Variants in CSMD3 observed in about 807,000 individuals in gnomAD.
The protein encoded by CSMD3 is CUB and Sushi multiple domains 3.
A neutral mutation model predicts 435.2 loss-of-function variants in CSMD3; 177 were observed. That is an observed-to-expected ratio of 0.41 (90% confidence interval 0.36 to 0.46). The LOEUF (loss-of-function observed/expected upper bound fraction) is 0.46. Among genes scored for constraint, CSMD3 ranks in the 20% least tolerant of loss-of-function variants. CSMD3 has a pLI of 0.34. For missense variants in CSMD3, 4,265 were observed against 4,504.6 expected (o/e 0.95, Z 1.52); for synonymous variants, 1,656 against 1,520.5 (o/e 1.09, Z -2.07).
intron 27 of CSMD3, among the ~76,000 whole-genome samples, chr8:112,520,334 TGG>T (rs1226122042): frequency 6.6e-6 from 1 of 152,062 alleles, no homozygotes; most frequent in African/African-American, 2.4e-5. Context: ...CATTTTTAAA[TGG>T]GTAAAATGAG....
At chr8:112,451,641 C>T (rs773628511) in intron 32 of CSMD3, among the ~76,000 whole-genome samples, 5 of 151,852 alleles carry the variant, frequency 3.3e-5, no homozygotes, top group African/African-American at 4.8e-5. Flanking sequence ...CGGGTTCAAG[C>T]GATTGTCCTG....
chr8:113,330,368 CA>C lies in CSMD3; in HGVS notation c.179-15576del, dbSNP rs145292010. 3.1e-3 allele frequency among the ~76,000 whole-genome samples: 472 copies of C among 150,916 alleles called. 2 individuals carry two copies. The highest frequency in any genetic ancestry group is 9.5e-3 in the African/African-American group (392 of 41,204). ...AAATTGTACACTAGAAAGTATTTAA[CA>C]AAAAAAATGAGGCAGTAATGAAAGG... is the stretch of plus-strand genomic sequence containing the variant. On this transcript the variant is annotated intron_variant, in intron 1 of 70. Transcript: ENST00000297405.
rs1832783477 is a variant in CSMD3 at position 112,606,254 on chromosome 8, A to G, written c.3716-19019T>C. On this transcript the variant is annotated intron_variant, in intron 22 of 70. Coordinates refer to ENST00000297405, the MANE Select transcript of CSMD3 (RefSeq NM_198123.2). ...ACAGCCCATGATTTCTCCTACATGG[A>G]AAGTAAAGGCATAGTGACTGAGTGC... is the stretch of plus-strand genomic sequence containing the variant. Among the ~76,000 whole-genome samples the G allele has an allele frequency of 2.6e-5, 4 of 152,170 alleles. No individual in the cohort carries two copies. In the South Asian group the frequency reaches 8.3e-4, roughly 32 times the overall value.
At chr8:112,989,604 G>T (rs1471398664) in intron 6 of CSMD3, among the ~76,000 whole-genome samples, 1 of 151,912 alleles carries the variant, frequency 6.6e-6, no homozygotes, top group Non-Finnish European at 1.5e-5. Flanking sequence ...ATTAAATATG[G>T]TCACATATTC....
chr8:112,258,112 C>T (rs1405606406), intron 61 of CSMD3, among the ~76,000 whole-genome samples: 3 of 152,146 alleles, frequency 2.0e-5, no homozygotes, highest in African/African-American at 2.4e-5. Context: ...CTTCCTTATA[C>T]CTTATACAAA....
chr8:112,940,544 T>C (rs2083421164), intron 9 of CSMD3, among the ~76,000 whole-genome samples: 1 of 151,800 alleles, frequency 6.6e-6, no homozygotes, highest in African/African-American at 2.4e-5. Context: ...TTTTTCAGCA[T>C]AGAAAATGCT....
chr8:113,417,219 A>G (rs997036179), intron 1 of CSMD3, among the ~76,000 whole-genome samples: 1 of 152,036 alleles, frequency 6.6e-6, no homozygotes, highest in Non-Finnish European at 1.5e-5. Flanking sequence ...ATATAAAAAC[A>G]TCCTTACATA....
intron 59 of CSMD3, among the ~76,000 whole-genome samples, chr8:112,279,523 C>G (rs563254013): frequency 6.6e-6 from 1 of 152,106 alleles, no homozygotes; most frequent in African/African-American, 2.4e-5. Context: ...AATGGAGCCC[C>G]TTGGACCTGT....
At chr8:112,486,762 T>C (rs1407971563) in intron 31 of CSMD3, among the ~76,000 whole-genome samples, 1 of 152,138 alleles carries the variant, frequency 6.6e-6, no homozygotes, top group East Asian at 1.9e-4. Flanking sequence ...ATCAGATGTA[T>C]ATCCATGCTG....
intron 10 of CSMD3, among the ~76,000 whole-genome samples, chr8:112,887,291 C>A (rs1355818320): frequency 6.8e-6 from 1 of 147,056 alleles, no homozygotes; most frequent in East Asian, 2.0e-4. Context: ...AGGACAGCTA[C>A]AAAACAAAGT....
At chr8:112,777,069 G>T (rs1283997500) in intron 13 of CSMD3, among the ~76,000 whole-genome samples, 2 of 151,568 alleles carry the variant, frequency 1.3e-5, no homozygotes, top group Non-Finnish European at 3.0e-5. Context: ...TTTCTGGAGG[G>T]TTATGCATCA....
intron 20 of CSMD3, chr8:112,643,452 CTT>C (rs1249528979): frequency 5.9e-6 from 1 of 170,166 alleles, no homozygotes; most frequent in African/African-American, 2.4e-5. Context: ...TTCAGACAAA[CTT>C]AGTTGGCTCT....
chr8:112,601,901 G>A (rs1832381376), intron 22 of CSMD3, among the ~76,000 whole-genome samples: 1 of 152,092 alleles, frequency 6.6e-6, no homozygotes, highest in African/African-American at 2.4e-5. Context: ...TAAACCATAG[G>A]TATTAGGGAT....
At chr8:113,240,974 A>C (rs913979829) in intron 3 of CSMD3, among the ~76,000 whole-genome samples, 4 of 152,140 alleles carry the variant, frequency 2.6e-5, no homozygotes, top group Non-Finnish European at 4.4e-5. Context: ...TAAGAAATAT[A>C]ATAAGGGATT....
In CSMD3 at chr8:112,304,393, A is replaced by T. The variant is rs530897485; in HGVS notation, c.8266+328T>A. ...GGGGCAAAGGTTTTTTTTTTTTTTT[A>T]ACCAAATGAGTATAAAACATATAAA... On this transcript the variant is annotated intron_variant, in intron 52 of 70. Coordinates refer to ENST00000297405, the MANE Select transcript of CSMD3 (RefSeq NM_198123.2). Among the ~76,000 whole-genome samples, 544 of 147,446 alleles carry T rather than the reference A, an allele frequency of 3.7e-3. 1 individual carries two copies. The highest frequency in any genetic ancestry group is 0.01 in the African/African-American group (414 of 40,026).
chr8:113,402,770 A>G (rs2129644481), intron 1 of CSMD3, among the ~76,000 whole-genome samples: 1 of 151,506 alleles, frequency 6.6e-6, no homozygotes, highest in South Asian at 2.1e-4. Context: ...AGTAACTTTA[A>G]AGAAGAAAGG....
At chr8:112,926,322 CAAG>C (rs909726575) in intron 9 of CSMD3, among the ~76,000 whole-genome samples, 1 of 151,862 alleles carries the variant, frequency 6.6e-6, no homozygotes, top group Non-Finnish European at 1.5e-5. Context: ...CATGAAATGA[CAAG>C]GAGGACAAGC....
At chr8:112,506,209 T>C (rs1226456499) in intron 29 of CSMD3, among the ~76,000 whole-genome samples, 2 of 152,162 alleles carry the variant, frequency 1.3e-5, no homozygotes, top group Non-Finnish European at 1.5e-5. Context: ...AAATTATCTT[T>C]ACTTAGGAAA....
intron 11 of CSMD3, among the ~76,000 whole-genome samples, chr8:112,858,693 T>C (rs994440384): frequency 4.6e-5 from 7 of 151,984 alleles, no homozygotes; most frequent in African/African-American, 1.7e-4. Flanking sequence ...ATAAATTCTT[T>C]ATTAGTGCAG....
Sources: allele counts gnomAD v4.1 joint callset (sites outside exome capture counted in the v4.1 genomes callset), GRCh38; gene constraint gnomAD v4.1.1; transcripts MANE v1.5; gene names NCBI Gene and HGNC (gene_info 2026-07-23, HGNC 2026-07-21).